Variants in ZFC3H1 observed in about 807,000 individuals in gnomAD.
The protein encoded by ZFC3H1 is zinc finger C3H1 domain-containing protein.
ZFC3H1 carries 71 observed loss-of-function variants against 243.7 expected under a neutral mutation model. The ratio of observed to expected loss-of-function variants is 0.29; its 90% confidence interval spans 0.24 to 0.36. ZFC3H1 has a LOEUF of 0.36. ZFC3H1 is among the 10% of genes least tolerant of loss of function. ZFC3H1 has a pLI of 1.00. For synonymous variants in ZFC3H1, 838 were observed against 813.0 expected, an observed-to-expected ratio of 1.03 and a Z score of -0.52; for missense variants, 1,966 against 2,317.1, an observed-to-expected ratio of 0.85 and a Z score of 3.11.
In ZFC3H1 at chr12:71,636,531, T is replaced by G; in HGVS notation, c.2059A>C (p.Lys687Gln). ...TVSQPRIQNP[K>Q]FHRGPRLPRT... is the part of the protein sequence containing the mutation. ...GGAAGACGGGGTCCTCTGTGAAACT[T>G]TGGATTCTGTATCCTAGGCTGAGAC... is the stretch of plus-strand genomic sequence containing the variant. Residue 687 changes from lysine (K) to glutamine (Q), a missense_variant, in exon 9 of 35, where the codon AAG becomes CAG. Lys to Gln is a moderately conservative substitution (Grantham distance 53). Around this residue, in one of 4 missense-constraint regions of ZFC3H1, gnomAD observed 1,383 missense variants for 1,723.7 expected, o/e 0.80. Transcript: ENST00000378743. 1 of 1,610,334 alleles carries G rather than the reference T, an allele frequency of 6.2e-7. No individual in the cohort carries two copies. Among genetic ancestry groups the G allele is most frequent in the Non-Finnish European group, 8.5e-7 (1 of 1,178,508 alleles).
intron 21 of ZFC3H1, 67 bp downstream of exon 21, chr12:71,627,684 T>TA (rs1375924993): frequency 8.1e-6 from 12 of 1,476,594 alleles, no homozygotes; most frequent in South Asian, 7.8e-5. Flanking sequence ...TTACCATAGG[T>TA]AAAAAAACCT....
At position 71,658,576 on chromosome 12, in the gene ZFC3H1, A is replaced by T. The variant is rs551952017; in HGVS notation, c.599-1275T>A. ...AGTGCCGGGATTACAGGTGTGAGCC[A>T]CTGCACCCAGCCTATAGATTATTTT... On this transcript the variant is annotated intron_variant, in intron 1 of 34. Transcript: ENST00000378743. Among the ~76,000 whole-genome samples, 6 of 152,244 alleles carry T rather than the reference A, an allele frequency of 3.9e-5. No individual in the cohort carries two copies. In the South Asian group the frequency reaches 1.2e-3, roughly 32 times the overall value.
Position 71,627,981 on chromosome 12 carries a change from C to G in ZFC3H1, c.3947-47G>C, listed in dbSNP as rs185473180. 7 of 1,548,828 alleles carry G rather than the reference C, an allele frequency of 4.5e-6. No individual in the cohort carries two copies. In the Admixed American group the frequency reaches 1.4e-4, roughly 30 times the overall value. On this transcript the variant is annotated intron_variant, in intron 20 of 34. Coordinates refer to ENST00000378743, the MANE Select transcript of ZFC3H1 (RefSeq NM_144982.5). ...TTAGCTTCACATTTTCTTTAGTCCA[C>G]AGATGCAAGAAAAAGAAAACAATTG...
intron 2 of ZFC3H1, among the ~76,000 whole-genome samples, chr12:71,651,344 G>GT (rs1268791664): frequency 1.3e-5 from 2 of 152,110 alleles, no homozygotes; most frequent in Non-Finnish European, 2.9e-5. Flanking sequence ...GCTGCAACCT[G>GT]TATCCTCAAT....
chr12:71,649,091 C>CAAA (rs35231608), intron 2 of ZFC3H1, among the ~76,000 whole-genome samples: 9 of 89,816 alleles, frequency 1.0e-4, no homozygotes, highest in Admixed American at 1.2e-4. Context: ...ACTCTTGTCT[C>CAAA]AAAAAAAAAA....
intron 2 of ZFC3H1, among the ~76,000 whole-genome samples, chr12:71,649,782 T>C (rs529006136): frequency 6.6e-6 from 1 of 152,340 alleles, no homozygotes; most frequent in African/African-American, 2.4e-5. Flanking sequence ...ATCTACTGGT[T>C]GATTAGGATC....
intron 16 of ZFC3H1, 91 bp downstream of exon 16, chr12:71,631,687 G>A: frequency 8.7e-7 from 1 of 1,144,444 alleles, no homozygotes; most frequent in Admixed American, 2.7e-5. Context: ...TGATTCAATT[G>A]CTTTTTCATT....
chr12:71,644,118 C>T lies in ZFC3H1; in HGVS notation c.1480G>A (p.Gly494Ser). 1 of 1,613,688 alleles carries T rather than the reference C, an allele frequency of 6.2e-7. No homozygotes were observed. Among genetic ancestry groups the T allele is most frequent in the South Asian group, 1.1e-5 (1 of 90,928 alleles). The change falls in exon 5 of 35, where the codon GGC becomes AGC. Residue 494 changes from glycine to serine, a missense_variant. This residue lies in a region of ZFC3H1 where 8 missense variants were observed against 36.0 expected (regional missense o/e 0.22). Coordinates refer to ENST00000378743, the MANE Select transcript of ZFC3H1 (RefSeq NM_144982.5). ...ACTTTACTTCTTGATCTCCTCTTGC[C>T]ACCAACCAATTTCATGAATCGATTG... ...QYNRFMKLVGGKRRSRSKSSD... is the reference protein window; with the variant it reads ...QYNRFMKLVGSKRRSRSKSSD...
At chr12:71,651,364 C>T (rs898970915) in intron 2 of ZFC3H1, among the ~76,000 whole-genome samples, 1 of 152,180 alleles carries the variant, frequency 6.6e-6, no homozygotes, top group African/African-American at 2.4e-5. Flanking sequence ...TAACCCTTTC[C>T]TACCTACCCT....
chr12:71,649,281 CGT>C (rs1269521203), intron 2 of ZFC3H1, among the ~76,000 whole-genome samples: 6 of 152,064 alleles, frequency 3.9e-5, no homozygotes, highest in Non-Finnish European at 1.5e-5. Flanking sequence ...AAGTTCATTG[CGT>C]GTGTTATAAG....
chr12:71,624,520 C>G (rs1285049821), intron 22 of ZFC3H1, among the ~76,000 whole-genome samples: 1 of 152,192 alleles, frequency 6.6e-6, no homozygotes, highest in Non-Finnish European at 1.5e-5. Flanking sequence ...TACAGATATA[C>G]TCTTAGAGAT....
At chr12:71,658,512 A>G (rs937901809) in intron 1 of ZFC3H1, among the ~76,000 whole-genome samples, 6 of 151,768 alleles carry the variant, frequency 4.0e-5, no homozygotes, top group Non-Finnish European at 8.8e-5. Context: ...TGGTCTTGAA[A>G]TCCTGACCTC....
intron 11 of ZFC3H1, 88 bp downstream of exon 11, chr12:71,634,616 A>T: frequency 7.2e-7 from 1 of 1,379,834 alleles, no homozygotes; most frequent in Admixed American, 2.4e-5. Flanking sequence ...AACTATCATC[A>T]CTCATTCCCC....
At chr12:71,616,544 G>T (rs767467643) in intron 27 of ZFC3H1, among the ~76,000 whole-genome samples, 7 of 152,162 alleles carry the variant, frequency 4.6e-5, no homozygotes, top group Non-Finnish European at 7.3e-5. Flanking sequence ...GTGACTCTAA[G>T]AAGTCAATCA....
intron 24 of ZFC3H1, among the ~76,000 whole-genome samples, chr12:71,621,492 C>T (rs546185390): frequency 2.6e-5 from 4 of 152,058 alleles, no homozygotes; most frequent in East Asian, 1.9e-4. Flanking sequence ...TTAGTAGAGA[C>T]GGGGTTTCAC....
intron 33 of ZFC3H1, 124 bp downstream of exon 33, chr12:71,610,934 A>G (rs771591134): frequency 2.5e-5 from 37 of 1,474,266 alleles, no homozygotes; most frequent in Non-Finnish European, 3.3e-5. Context: ...TTGTTTCCCC[A>G]CTTGGTTCTT....
intron 2 of ZFC3H1, among the ~76,000 whole-genome samples, chr12:71,653,424 C>T (rs1880939612): frequency 6.6e-6 from 1 of 152,110 alleles, no homozygotes; most frequent in Non-Finnish European, 1.5e-5. Context: ...ACATAACATA[C>T]ATCTATACAG....
intron 3 of ZFC3H1, among the ~76,000 whole-genome samples, chr12:71,646,198 T>C (rs1340666241): frequency 6.6e-6 from 1 of 152,258 alleles, no homozygotes; most frequent in Non-Finnish European, 1.5e-5. Flanking sequence ...AGTACTTCAG[T>C]TTAACCAAAC....
rs1246925478 is a variant in ZFC3H1, at chr12:71,620,281, A to G, written c.4779T>C (p.Ala1593=). Residue 1593 remains alanine, a synonymous_variant, in exon 25 of 35, where the codon GCT becomes GCC. Coordinates refer to ENST00000378743, the MANE Select transcript of ZFC3H1 (RefSeq NM_144982.5). ...AVKACTDESL[A]VEERIEACLP... The stretch of plus-strand genomic sequence containing the variant: ...GGCAGGCCTCTATTCTTTCCTCAAC[A>G]GCAAGGCTCTCATCTGTGCAAGCTT... The G allele has an allele frequency of 1.2e-6, 2 of 1,614,194 alleles. No homozygotes were observed. The highest frequency in any genetic ancestry group is 2.2e-5 in the East Asian group (1 of 44,880).
Sources: gnomAD v4.1 joint callset for allele counts (sites outside exome capture counted in the v4.1 genomes callset) on GRCh38, gnomAD v4.1.1 for gene constraint, gnomAD v4.1.1 regional missense constraint, MANE v1.5 for transcripts, NCBI Gene and HGNC (gene_info 2026-07-23, HGNC 2026-07-21) for gene names.